Variants in PLXDC2 observed in about 807,000 individuals in gnomAD.
The protein encoded by PLXDC2 is plexin domain containing 2.
PLXDC2 carries 40 observed loss-of-function variants against 68.9 expected under a neutral mutation model. That is an observed-to-expected ratio of 0.58 (90% confidence interval 0.45 to 0.76). The LOEUF is 0.76. Ranked by LOEUF, PLXDC2 falls within the 30% of genes least tolerant of loss-of-function variation. The probability of loss-of-function intolerance (pLI) is 0.00; values close to 1 mark genes in which losing one functional copy is unlikely to be tolerated. For missense variants in PLXDC2, 644 were observed against 661.9 expected (o/e 0.97, Z 0.30); for synonymous variants, 243 against 234.2 (o/e 1.04, Z -0.34).
At chr10:19,863,991 G>A (rs17678454) in intron 1 of PLXDC2, among the ~76,000 whole-genome samples, 6,646 of 152,080 alleles carry the variant, frequency 0.044, 191 homozygotes, top group Middle Eastern at 0.11. Context: ...GAAGCAAAAC[G>A]CTATTTTTAT....
At chr10:20,251,090 A>T (rs189293596) in intron 13 of PLXDC2, among the ~76,000 whole-genome samples, 3 of 152,328 alleles carry the variant, frequency 2.0e-5, no homozygotes, top group African/African-American at 7.2e-5. Context: ...AAGATTAGGT[A>T]CAAGAGTTCC....
rs1330520022 is a variant in PLXDC2, at chr10:20,282,797, C to G, written c.*2978C>G. On this transcript the variant is annotated 3_prime_UTR_variant, in exon 14 of 14. Transcript: ENST00000377252. Reference sequence around the variant, plus strand: ...GGGTTTGGACTTCAAGATATACTAACACCTAGAAAACTAAAAGTGCAATTG... The same window carrying G: ...GGGTTTGGACTTCAAGATATACTAAGACCTAGAAAACTAAAAGTGCAATTG... The G allele has an allele frequency of 2.0e-5, 3 of 152,138 alleles. No individual in the cohort carries two copies. Among genetic ancestry groups the G allele is most frequent in the African/African-American group, 7.2e-5 (3 of 41,442 alleles). The allele number at this position is 152,138 out of a possible 1,614,324, so 9.4% of individuals were successfully genotyped here.
chr10:20,230,853 T>G (rs1322256783), intron 12 of PLXDC2, among the ~76,000 whole-genome samples: 1 of 150,964 alleles, frequency 6.6e-6, no homozygotes, highest in African/African-American at 2.4e-5. Context: ...GGAGGGTTTT[T>G]TTTTTCAAGT....
At chr10:19,899,831 T>C (rs914464394) in intron 1 of PLXDC2, among the ~76,000 whole-genome samples, 3 of 152,144 alleles carry the variant, frequency 2.0e-5, no homozygotes, top group Admixed American at 1.3e-4. Flanking sequence ...ATGGGTTAAT[T>C]TGAGTATTTT....
At position 19,915,862 on chromosome 10, in the gene PLXDC2, AAAGAAG is replaced by A. The variant is rs71507296; in HGVS notation, c.113-85895_113-85890del. ...AATTTATTCATGTTAAACCAAAAAA[AAAGAAG>A]AAGAAGAAGAAGAAGAAAAAAAACA... On this transcript the variant is annotated intron_variant, in intron 1 of 13. Coordinates refer to ENST00000377252, the MANE Select transcript of PLXDC2 (RefSeq NM_032812.9). 5.2e-4 allele frequency among the ~76,000 whole-genome samples: 78 copies of A among 150,108 alleles called. No homozygotes were observed. The South Asian group carries it at 5.9e-3, about 11-fold the overall frequency.
At chr10:20,002,261 T>C (rs1834954610) in intron 2 of PLXDC2, among the ~76,000 whole-genome samples, 1 of 76,740 alleles carries the variant, frequency 1.3e-5, no homozygotes. Context: ...GTGTAAGAGC[T>C]TTTTTTTTTT....
chr10:19,886,862 G>A (rs1359483382), intron 1 of PLXDC2, among the ~76,000 whole-genome samples: 4 of 152,124 alleles, frequency 2.6e-5, no homozygotes, highest in African/African-American at 2.4e-5. Flanking sequence ...TTATGTTAGC[G>A]TTCAACTCAA....
chr10:20,037,613 C>T (rs938208869), intron 2 of PLXDC2, among the ~76,000 whole-genome samples: 5 of 152,070 alleles, frequency 3.3e-5, no homozygotes, highest in South Asian at 4.1e-4. Flanking sequence ...AAAATACACT[C>T]TATTTCATTT....
intron 1 of PLXDC2, among the ~76,000 whole-genome samples, chr10:19,970,706 A>G (rs577575582): frequency 4.6e-5 from 7 of 152,268 alleles, no homozygotes; most frequent in East Asian, 1.9e-4. Flanking sequence ...CAAATCCTCA[A>G]TTGTGGTTTT....
chr10:19,935,977 C>A, intron 1 of PLXDC2, among the ~76,000 whole-genome samples: 1 of 152,152 alleles, frequency 6.6e-6, no homozygotes, highest in South Asian at 2.1e-4. Flanking sequence ...ATCCAACAGA[C>A]AAACATGTCT....
At chr10:20,030,668 G>A (rs147597370) in intron 2 of PLXDC2, among the ~76,000 whole-genome samples, 1 of 152,250 alleles carries the variant, frequency 6.6e-6, no homozygotes, top group Non-Finnish European at 1.5e-5. Flanking sequence ...AGCTCTGATT[G>A]GTAGATACAG....
At chr10:20,144,847 TA>T (rs1447540296) in intron 5 of PLXDC2, among the ~76,000 whole-genome samples, 2 of 152,234 alleles carry the variant, frequency 1.3e-5, no homozygotes, top group African/African-American at 4.8e-5. Flanking sequence ...ACCAAGTTTT[TA>T]TACTGTTGCT....
intron 1 of PLXDC2, among the ~76,000 whole-genome samples, chr10:19,853,541 G>T (rs6482069): frequency 0.33 from 49,425 of 151,404 alleles, 9,898 homozygotes; most frequent in African/African-American, 0.58. Context: ...CAAGTGTGGG[G>T]CACCACCCCC....
rs1462454438 is a variant in PLXDC2 at position 20,282,730 on chromosome 10, C to G, written c.*2911C>G. 6.6e-6 allele frequency: 1 copy of G among 152,018 alleles called. No homozygotes were observed. Among genetic ancestry groups the G allele is most frequent in the East Asian group, 1.9e-4 (1 of 5,178 alleles). The allele number at this position is 152,018 out of a possible 1,614,324, so 9.4% of individuals were successfully genotyped here. ...AACCTCAGGCATAAATGGCTTAAGC[C>G]CAAGAGATGGCACTGACCATAAATG... On this transcript the variant is annotated 3_prime_UTR_variant, in exon 14 of 14. Transcript: ENST00000377252.
rs1446664735 is a variant in PLXDC2, at chr10:20,147,885, A to G, written c.766A>G (p.Ile256Val). 1 of 1,603,952 alleles carries G rather than the reference A, an allele frequency of 6.2e-7. No homozygotes were observed. Among genetic ancestry groups the G allele is most frequent in the Non-Finnish European group, 8.5e-7 (1 of 1,170,834 alleles). The change falls in exon 6 of 14, where the codon ATC (isoleucine) becomes GTC (valine). Residue 256 changes from isoleucine (I) to valine (V), a missense_variant. Coordinates refer to ENST00000377252, the MANE Select transcript of PLXDC2 (RefSeq NM_032812.9). ...QATLLMDGRI[I>V]FGYKEIPVLV... ...AACCCTGCTCATGGATGGACGAATCATCTTTGGATACAAAGAAGTAAGTGA... is the reference window on the plus strand; with the variant it reads ...AACCCTGCTCATGGATGGACGAATCGTCTTTGGATACAAAGAAGTAAGTGA...
intron 1 of PLXDC2, among the ~76,000 whole-genome samples, chr10:19,964,886 G>T (rs762983774): frequency 3.9e-5 from 6 of 152,132 alleles, no homozygotes; most frequent in Non-Finnish European, 7.4e-5. Context: ...CCAGGCTTCT[G>T]TTGCAACCAC....
chr10:20,166,210 A>G (rs1258278679), intron 7 of PLXDC2, among the ~76,000 whole-genome samples: 1 of 152,120 alleles, frequency 6.6e-6, no homozygotes, highest in Non-Finnish European at 1.5e-5. Flanking sequence ...TAGCAGAAAT[A>G]TTATAAGGGT....
intron 2 of PLXDC2, among the ~76,000 whole-genome samples, chr10:20,002,362 C>G (rs966624185): frequency 1.3e-5 from 2 of 151,442 alleles, no homozygotes; most frequent in African/African-American, 4.8e-5. Flanking sequence ...TGGGTTCAAG[C>G]AATTATTCTG....
At chr10:20,119,719 C>A (rs1230055227) in intron 4 of PLXDC2, among the ~76,000 whole-genome samples, 1 of 151,894 alleles carries the variant, frequency 6.6e-6, no homozygotes, top group African/African-American at 2.4e-5. Context: ...CTCAGGGCTG[C>A]TTCGAGCGGG....
Sources: allele counts gnomAD v4.1 joint callset (sites outside exome capture counted in the v4.1 genomes callset), GRCh38; gene constraint gnomAD v4.1.1; transcripts MANE v1.5; gene names NCBI Gene and HGNC (gene_info 2026-07-23, HGNC 2026-07-21).